AFF3: variants seen among roughly 807,000 people sequenced by gnomAD.
AFF3 encodes AF4/FMR2 family member 3.
Under a neutral mutation model 129.7 loss-of-function variants are expected in AFF3, and 32 were observed. The observed-to-expected ratio is 0.25, with a 90% confidence interval of 0.19 to 0.33. The LOEUF (loss-of-function observed/expected upper bound fraction) is 0.33, where lower values mean the gene tolerates loss of function less well. AFF3 is among the 10% of genes least tolerant of loss of function. AFF3 has a pLI of 1.00. For missense variants in AFF3, 1,373 were observed against 1,592.0 expected, an observed-to-expected ratio of 0.86 and a Z score of 2.34; for synonymous variants, 644 against 635.4, an observed-to-expected ratio of 1.01 and a Z score of -0.20.
At chr2:99,728,123 G>A (rs1392095535) in intron 10 of AFF3, among the ~76,000 whole-genome samples, 1 of 152,164 alleles carries the variant, frequency 6.6e-6, no homozygotes, top group African/African-American at 2.4e-5. Flanking sequence ...GTTTACAGTA[G>A]GCTTAATGTA....
chr2:99,882,093 C>G (rs1692764938), intron 7 of AFF3, among the ~76,000 whole-genome samples: 1 of 152,074 alleles, frequency 6.6e-6, no homozygotes. Context: ...CTCTCTCCCC[C>G]TCACTCTCCC....
intron 8 of AFF3, among the ~76,000 whole-genome samples, chr2:99,809,393 G>A (rs1480975902): frequency 1.3e-5 from 2 of 152,202 alleles, no homozygotes; most frequent in Admixed American, 1.3e-4. Context: ...CAGTGGGGAG[G>A]GGGCACAGGT....
At chr2:99,634,493 C>T (rs375324729) in intron 13 of AFF3, among the ~76,000 whole-genome samples, 20 of 152,088 alleles carry the variant, frequency 1.3e-4, no homozygotes, top group Non-Finnish European at 2.6e-4. Flanking sequence ...GACTGAAGGC[C>T]GGTGCCCAGA....
At chr2:99,750,419 T>TC (rs1553446073) in intron 9 of AFF3, among the ~76,000 whole-genome samples, 142 of 4,304 alleles carry the variant, frequency 0.033, no homozygotes, top group African/African-American at 0.18. Context: ...TTTTCTTTTC[T>TC]TTTTTTTTTT....
intron 7 of AFF3, among the ~76,000 whole-genome samples, chr2:99,969,478 C>CATTT (rs6146857): frequency 1.1e-3 from 166 of 150,518 alleles, no homozygotes; most frequent in South Asian, 4.0e-3. Flanking sequence ...ATTTTATTTT[C>CATTT]ATTTATTTAT....
intron 4 of AFF3, among the ~76,000 whole-genome samples, chr2:100,091,467 T>C (rs1379169457): frequency 7.5e-6 from 1 of 133,070 alleles, no homozygotes; most frequent in Non-Finnish European, 1.6e-5. Flanking sequence ...CTTCACCAAA[T>C]TACTTCTCAA....
chr2:99,567,625 C>T (rs1410716395), intron 19 of AFF3, among the ~76,000 whole-genome samples: 1 of 152,004 alleles, frequency 6.6e-6, no homozygotes, highest in Non-Finnish European at 1.5e-5. Context: ...GGGGAGGATG[C>T]TGAGGGTGTG....
At chr2:100,077,556 T>G (rs1688678365) in intron 4 of AFF3, among the ~76,000 whole-genome samples, 1 of 152,172 alleles carries the variant, frequency 6.6e-6, no homozygotes, top group Non-Finnish European at 1.5e-5. Flanking sequence ...TCTAAGATAA[T>G]AAATGTGTGC....
intron 9 of AFF3, among the ~76,000 whole-genome samples, chr2:99,746,953 A>T (rs545892708): frequency 4.6e-4 from 65 of 141,508 alleles, no homozygotes; most frequent in Non-Finnish European, 4.9e-4. Context: ...AAGCTTATTT[A>T]AAAAAAAAAA....
intron 2 of AFF3, among the ~76,000 whole-genome samples, chr2:100,121,859 G>A (rs900894249): frequency 1.6e-4 from 24 of 151,876 alleles, no homozygotes; most frequent in African/African-American, 5.1e-4. Context: ...TCAGGAGATC[G>A]AGACCATCCT....
intron 8 of AFF3, among the ~76,000 whole-genome samples, chr2:99,805,399 G>A (rs934380148): frequency 4.6e-5 from 7 of 152,152 alleles, no homozygotes; most frequent in African/African-American, 1.4e-4. Context: ...GCTTGATGCT[G>A]GGGATAAAAT....
intron 10 of AFF3, among the ~76,000 whole-genome samples, chr2:99,732,531 C>T (rs1157128135): frequency 1.3e-5 from 2 of 152,090 alleles, no homozygotes; most frequent in Non-Finnish European, 2.9e-5. Context: ...TTCTATCATG[C>T]AGTGTTATGA....
At chr2:99,726,873 G>C (rs549757105) in intron 11 of AFF3, among the ~76,000 whole-genome samples, 4 of 152,180 alleles carry the variant, frequency 2.6e-5, no homozygotes, top group Non-Finnish European at 4.4e-5. Context: ...AGAAGCATTT[G>C]CATTTTTCAA....
rs966033277 is a variant in AFF3, at chr2:100,059,380, T to C, written c.53+45022A>G. 1.5e-4 allele frequency among the ~76,000 whole-genome samples: 21 copies of C among 144,156 alleles called. 1 individual carries two copies. Among genetic ancestry groups the C allele is most frequent in the Middle Eastern group, 7.5e-3 (2 of 268 alleles). 94.6% of individuals were successfully genotyped at this position (144,156 alleles called of 152,430 possible). On this transcript the variant is annotated intron_variant, in intron 4 of 24. Transcript: ENST00000672756. ...TCTTTAGTCTTTAAGGAAATGCAAA[T>C]CAAAACCACAATGAGACACCACCAC...
At chr2:99,807,259 G>T (rs1312012553) in intron 8 of AFF3, among the ~76,000 whole-genome samples, 2 of 152,180 alleles carry the variant, frequency 1.3e-5, no homozygotes, top group Admixed American at 6.5e-5. Context: ...ATAGGACAAG[G>T]CAGAGAAAAC....
intron 7 of AFF3, among the ~76,000 whole-genome samples, chr2:99,882,308 T>C (rs1232612393): frequency 1.3e-5 from 2 of 152,250 alleles, no homozygotes; most frequent in Admixed American, 1.3e-4. Context: ...CTCTGCCGAA[T>C]AAATTATCGT....
At chr2:99,929,202 C>G (rs1483309633) in intron 7 of AFF3, among the ~76,000 whole-genome samples, 2 of 152,118 alleles carry the variant, frequency 1.3e-5, no homozygotes, top group Admixed American at 1.3e-4. Context: ...TGGCACATGC[C>G]TGTAATCCCA....
chr2:99,708,745 A>G (rs906917664), intron 11 of AFF3, among the ~76,000 whole-genome samples: 4 of 152,200 alleles, frequency 2.6e-5, no homozygotes, highest in Non-Finnish European at 5.9e-5. Context: ...AAATATTGAT[A>G]TGCTTCTGAC....
intron 7 of AFF3, among the ~76,000 whole-genome samples, chr2:99,999,261 C>T (rs1426627483): frequency 2.0e-5 from 3 of 152,314 alleles, no homozygotes; most frequent in South Asian, 2.1e-4. Context: ...CGCTTTGTAA[C>T]AGCAGCTATA....
Sources: gnomAD v4.1 joint callset for allele counts (sites outside exome capture counted in the v4.1 genomes callset) on GRCh38, gnomAD v4.1.1 for gene constraint, MANE v1.5 for transcripts, NCBI Gene and HGNC (gene_info 2026-07-23, HGNC 2026-07-21) for gene names.